The following ADAMTSL1 variants were observed in gnomAD, a reference collection of about 807,000 sequenced individuals.
ADAMTSL1 encodes ADAMTS-like protein 1.
A neutral mutation model predicts 201.8 loss-of-function variants in ADAMTSL1; 126 were observed. The ratio of observed to expected loss-of-function variants is 0.62; its 90% CI spans 0.54 to 0.72. ADAMTSL1 has a LOEUF of 0.72. Among genes scored for constraint, ADAMTSL1 ranks in the 30% least tolerant of loss-of-function variants. ADAMTSL1 has a pLI of 0.00. For synonymous variants in ADAMTSL1, 1,121 were observed against 903.4 expected, an observed-to-expected ratio of 1.24 and a Z score of -4.32; for missense variants, 2,679 against 2,277.8, an observed-to-expected ratio of 1.18 and a Z score of -3.59.
rs386414570 is a variant in ADAMTSL1 at position 17,940,803 on chromosome 9, C to CCT, written c.87+33882_87+33883insTC. 5.6e-4 allele frequency among the ~76,000 whole-genome samples: 7 copies of CCT among 12,558 alleles called. 1 individual carries two copies. The Admixed American group carries it at 7.7e-3, about 14-fold the overall frequency. The allele number at this position is 12,558 out of a possible 152,430, so 8.2% of individuals were successfully genotyped here. ...AACTTAAAAATAAAAGTAAATAACA[C>CCT]CCCCCCCCCAAAAAAAAGAAAGAAA... On this transcript the variant is annotated intron_variant, in intron 1 of 29. Coordinates refer to the ADAMTSL1 transcript ENST00000680146.
At chr9:18,787,233 G>T (rs1313766411) in intron 19 of ADAMTSL1, among the ~76,000 whole-genome samples, 2 of 152,172 alleles carry the variant, frequency 1.3e-5, no homozygotes, top group Non-Finnish European at 2.9e-5. Flanking sequence ...AAAAGTGTAA[G>T]AATAGCAAGC....
chr9:17,927,961 A>G (rs1826619782), intron 1 of ADAMTSL1, among the ~76,000 whole-genome samples: 1 of 150,250 alleles, frequency 6.7e-6, no homozygotes, highest in Non-Finnish European at 1.5e-5. Flanking sequence ...ATTTTGCTTT[A>G]TGTGTGGTTC....
chr9:18,776,888 G>T lies in ADAMTSL1; in HGVS notation c.2659G>T (p.Ala887Ser). 1 of 1,611,182 alleles carries T rather than the reference G, an allele frequency of 6.2e-7. No homozygotes were observed. Among genetic ancestry groups the T allele is most frequent in the Non-Finnish European group, 8.5e-7 (1 of 1,179,138 alleles). Reference sequence around the variant, plus strand: ...GCTGCACTTCGTGGTGGGGGGCTTCGCCTACCTGCTCCCCAAGACGGCGGT... The same window carrying T: ...GCTGCACTTCGTGGTGGGGGGCTTCTCCTACCTGCTCCCCAAGACGGCGGT... ...RKLHFVVGGFAYLLPKTAVVL... is the reference protein window; with the variant it reads ...RKLHFVVGGFSYLLPKTAVVL... The change falls in exon 19 of 29, where the codon GCC (alanine) becomes TCC (serine). Residue 887 changes from alanine to serine, a missense_variant. Ala to Ser is a moderately conservative substitution (Grantham distance 99). Transcript: ENST00000380548.
Position 18,639,238 on chromosome 9 carries a change from G to A in ADAMTSL1, c.677-16G>A, listed in dbSNP as rs77992667. On this transcript the variant is annotated splice_polypyrimidine_tract_variant and intron_variant, in intron 6 of 28. Coordinates refer to ENST00000380548, the MANE Select transcript of ADAMTSL1 (RefSeq NM_001040272.6). Reference sequence around the variant, plus strand: ...AGGAACATCTTTCTCTCATCTTCACGTGTTTGATCATATAGATCTGGAAAC... The same window carrying A: ...AGGAACATCTTTCTCTCATCTTCACATGTTTGATCATATAGATCTGGAAAC... 9.9e-4 allele frequency: 1,603 copies of A among 1,611,754 alleles called. 12 individuals are homozygous for A. In the African/African-American group the frequency reaches 0.019, roughly 19 times the overall value.
chr9:18,592,180 CT>C (rs906506307), intron 4 of ADAMTSL1, among the ~76,000 whole-genome samples: 6 of 151,018 alleles, frequency 4.0e-5, no homozygotes, highest in Admixed American at 2.6e-4. Context: ...TGAGCATGAC[CT>C]TTTTTTTTGG....
intron 2 of ADAMTSL1, among the ~76,000 whole-genome samples, chr9:18,283,283 G>A (rs755761872): frequency 3.3e-5 from 5 of 151,826 alleles, no homozygotes; most frequent in East Asian, 1.9e-4. Flanking sequence ...CATCCTCTGC[G>A]TGATGTATTT....
chr9:18,580,310 A>T (rs1823017932), intron 4 of ADAMTSL1, among the ~76,000 whole-genome samples: 2 of 152,204 alleles, frequency 1.3e-5, no homozygotes, highest in South Asian at 4.1e-4. Flanking sequence ...TTTCATTTTT[A>T]ATAATTCCTG....
chr9:18,498,647 A>G (rs113434278), intron 1 of ADAMTSL1, among the ~76,000 whole-genome samples: 10 of 152,238 alleles, frequency 6.6e-5, no homozygotes, highest in African/African-American at 2.2e-4. Flanking sequence ...CATTTTACAC[A>G]TGAAGAAACT....
chr9:18,890,646 G>T (rs570384721), intron 25 of ADAMTSL1: 2 of 455,416 alleles, frequency 4.4e-6, no homozygotes, highest in East Asian at 1.4e-4. Context: ...TGACGGGAAG[G>T]TTTCCACAGG....
chr9:18,048,490 A>G (rs969338867), intron 1 of ADAMTSL1, among the ~76,000 whole-genome samples: 2 of 152,226 alleles, frequency 1.3e-5, no homozygotes, highest in African/African-American at 4.8e-5. Flanking sequence ...TGTAACAAAC[A>G]TACCATATAT....
intron 10 of ADAMTSL1, among the ~76,000 whole-genome samples, 164 bp from the exon 11 acceptor site, chr9:18,680,148 C>T (rs981754284): frequency 1.3e-5 from 2 of 152,186 alleles, no homozygotes; most frequent in Non-Finnish European, 2.9e-5. Flanking sequence ...ATCCTTCTCT[C>T]TTACTCATCA....
At chr9:18,483,349 G>C (rs1479635578) in intron 1 of ADAMTSL1, among the ~76,000 whole-genome samples, 1 of 152,146 alleles carries the variant, frequency 6.6e-6, no homozygotes, top group African/African-American at 2.4e-5. Flanking sequence ...ATCTTGTGCT[G>C]TTTCCTTGTG....
At chr9:18,217,219 A>T (rs1340026358) in intron 2 of ADAMTSL1, among the ~76,000 whole-genome samples, 2 of 152,174 alleles carry the variant, frequency 1.3e-5, no homozygotes, top group Non-Finnish European at 2.9e-5. Context: ...ATGACAGCTA[A>T]TAAAGTGTTT....
intron 15 of ADAMTSL1, among the ~76,000 whole-genome samples, chr9:18,722,457 A>G (rs1587984596): frequency 6.6e-6 from 1 of 152,222 alleles, no homozygotes; most frequent in East Asian, 1.9e-4. Flanking sequence ...CTGATTTTGA[A>G]TGATAGTTTT....
chr9:18,708,320 G>A (rs758683127), intron 14 of ADAMTSL1, among the ~76,000 whole-genome samples: 2 of 152,182 alleles, frequency 1.3e-5, no homozygotes, highest in Non-Finnish European at 2.9e-5. Flanking sequence ...TAATAGTGCT[G>A]ACCTTGAGGT....
At chr9:18,281,082 G>C (rs1832769899) in intron 2 of ADAMTSL1, among the ~76,000 whole-genome samples, 1 of 151,986 alleles carries the variant, frequency 6.6e-6, no homozygotes, top group Non-Finnish European at 1.5e-5. Flanking sequence ...TTCTGTGTGG[G>C]AGACGCATGA....
At position 18,892,586 on chromosome 9, in the gene ADAMTSL1, G is replaced by A; in HGVS notation, c.4841G>A (p.Ser1614Asn). Reference sequence around the variant, plus strand: ...CTGTGTGTGGAGTGGGCCTTCTCCAGCTGGGGCCAGGTGAGGAGCCAGAGA... The same window carrying A: ...CTGTGTGTGGAGTGGGCCTTCTCCAACTGGGGCCAGGTGAGGAGCCAGAGA... ...QQLCVEWAFS[S>N]WGQCNGPCIG... Residue 1614 changes from serine (S) to asparagine (N), a missense_variant, in exon 26 of 29, where the codon AGC (serine) becomes AAC (asparagine). Coordinates refer to ENST00000380548, the MANE Select transcript of ADAMTSL1 (RefSeq NM_001040272.6). 1 of 1,560,910 alleles carries A rather than the reference G, an allele frequency of 6.4e-7. No homozygotes were observed. The highest frequency in any genetic ancestry group is 8.7e-7 in the Non-Finnish European group (1 of 1,152,248).
intron 2 of ADAMTSL1, among the ~76,000 whole-genome samples, chr9:18,249,983 A>T (rs1028000815): frequency 3.9e-5 from 6 of 152,218 alleles, no homozygotes; most frequent in Non-Finnish European, 7.3e-5. Flanking sequence ...CTTATTACAA[A>T]TAAAATAGCA....
At chr9:18,196,948 T>C (rs1428447132) in intron 2 of ADAMTSL1, among the ~76,000 whole-genome samples, 4 of 152,094 alleles carry the variant, frequency 2.6e-5, no homozygotes, top group Admixed American at 6.6e-5. Context: ...TAGGCCCCTA[T>C]AGCTTCACTC....
Sources: gnomAD v4.1 joint callset for allele counts (sites outside exome capture counted in the v4.1 genomes callset) on GRCh38, gnomAD v4.1.1 for gene constraint, MANE v1.5 for transcripts, NCBI Gene and HGNC (gene_info 2026-07-23, HGNC 2026-07-21) for gene names.